Variants in PCED1B observed in about 807,000 individuals in gnomAD.
The protein encoded by PCED1B is PC-esterase domain-containing protein 1B.
For synonymous variants in PCED1B, 251 were observed against 246.1 expected, an observed-to-expected ratio of 1.02 and a Z score of -0.19; for missense variants, 573 against 573.9, an observed-to-expected ratio of 1.00 and a Z score of 0.02.
chr12:47,116,872 A>G (rs1188072569), intron 2 of PCED1B, among the ~76,000 whole-genome samples: 2 of 152,232 alleles, frequency 1.3e-5, no homozygotes, highest in Non-Finnish European at 2.9e-5. Context: ...TATATCAACA[A>G]TTTACTCACT....
At chr12:47,203,221 C>T (rs187281451) in intron 2 of PCED1B, among the ~76,000 whole-genome samples, 13 of 152,202 alleles carry the variant, frequency 8.5e-5, no homozygotes, top group Admixed American at 2.6e-4. Context: ...CCACCTGCCT[C>T]GGCCTCCCAA....
intron 2 of PCED1B, among the ~76,000 whole-genome samples, chr12:47,196,883 T>C (rs1942618469): frequency 6.6e-6 from 1 of 151,402 alleles, no homozygotes; most frequent in South Asian, 2.1e-4. Context: ...GAACATAAAA[T>C]TAACAGAAAA....
chr12:47,093,500 C>A (rs1335525066), intron 1 of PCED1B, among the ~76,000 whole-genome samples: 1 of 151,496 alleles, frequency 6.6e-6, no homozygotes, highest in Non-Finnish European at 1.5e-5. Context: ...AAGTTTGATT[C>A]CTGCTCTCTC....
intron 2 of PCED1B, among the ~76,000 whole-genome samples, chr12:47,119,703 G>T (rs535308508): frequency 6.6e-6 from 1 of 152,196 alleles, no homozygotes; most frequent in East Asian, 1.9e-4. Context: ...ATTAGGCCGG[G>T]CGTGGTGGCT....
chr12:47,137,348 C>T (rs887208332), intron 2 of PCED1B, among the ~76,000 whole-genome samples: 1 of 152,124 alleles, frequency 6.6e-6, no homozygotes, highest in Non-Finnish European at 1.5e-5. Flanking sequence ...GAATCATCAA[C>T]AAATCCAAGG....
At chr12:47,099,485 G>C (rs902055950) in intron 1 of PCED1B, among the ~76,000 whole-genome samples, 2 of 152,176 alleles carry the variant, frequency 1.3e-5, no homozygotes, top group Admixed American at 1.3e-4. Flanking sequence ...CACACTAGCA[G>C]TGACAACATC....
At chr12:47,199,730 G>A (rs1942708907) in intron 2 of PCED1B, among the ~76,000 whole-genome samples, 1 of 152,110 alleles carries the variant, frequency 6.6e-6, no homozygotes, top group Admixed American at 6.6e-5. Flanking sequence ...AACTCAAAGT[G>A]GATCATAGAC....
chr12:47,089,901 G>A (rs767688841), intron 1 of PCED1B, among the ~76,000 whole-genome samples: 27 of 152,032 alleles, frequency 1.8e-4, no homozygotes, highest in Admixed American at 1.6e-3. Flanking sequence ...AACCTCCCGA[G>A]TAGCTGGGAT....
intron 2 of PCED1B, among the ~76,000 whole-genome samples, chr12:47,106,398 C>T (rs955041828): frequency 6.6e-6 from 1 of 151,956 alleles, no homozygotes; most frequent in Admixed American, 6.6e-5. Context: ...TTGAAGACAC[C>T]TTAGCCTAGG....
chr12:47,236,460 T>C lies in PCED1B; in HGVS notation c.*98T>C. On this transcript the variant is annotated 3_prime_UTR_variant, in exon 4 of 4. Transcript: ENST00000546455. The stretch of plus-strand genomic sequence containing the variant: ...CCTGAACAGACTGACCTTGTTAACT[T>C]AAGCCTGGAGTCCATGCCTCGTCTT... The C allele has an allele frequency of 8.1e-7, 1 of 1,241,250 alleles. No homozygotes were observed. The highest frequency in any genetic ancestry group is 1.1e-6 in the Non-Finnish European group (1 of 915,818). The allele number at this position is 1,241,250 out of a possible 1,614,324, so 76.9% of individuals were successfully genotyped here. A position where few individuals can be genotyped will look rare whatever the true frequency, so the allele number is the denominator to read the frequency against.
intron 2 of PCED1B, among the ~76,000 whole-genome samples, chr12:47,120,628 C>G (rs915027947): frequency 5.3e-5 from 8 of 151,990 alleles, no homozygotes; most frequent in Admixed American, 3.9e-4. Context: ...ATGATGAAAT[C>G]CCGTTTCTAC....
chr12:47,098,319 G>T lies in PCED1B; in HGVS notation c.-608-5794G>T, dbSNP rs539714916. ...AGAGCTCCCAACCAGCGAGGGCTGA[G>T]GTTGGTGCCAGTGCAAGCCAAAGTC... On this transcript the variant is annotated intron_variant, in intron 1 of 3. Transcript: ENST00000546455. Among the ~76,000 whole-genome samples the T allele has an allele frequency of 2.3e-4, 35 of 152,292 alleles. No individual in the cohort carries two copies. In the South Asian group the frequency reaches 6.4e-3, roughly 28 times the overall value.
intron 2 of PCED1B, among the ~76,000 whole-genome samples, chr12:47,191,746 G>C (rs1942445294): frequency 6.6e-6 from 1 of 152,088 alleles, no homozygotes; most frequent in Admixed American, 6.5e-5. Flanking sequence ...CAGAATCGCT[G>C]AGGGTGCGGC....
rs868623789 is a variant in PCED1B at position 47,095,624 on chromosome 12, T to C, written c.-608-8489T>C. Among the ~76,000 whole-genome samples the C allele has an allele frequency of 2.0e-5, 3 of 152,216 alleles. No homozygotes were observed. In the East Asian group the frequency reaches 5.8e-4, roughly 29 times the overall value. On this transcript the variant is annotated intron_variant, in intron 1 of 3. Transcript: ENST00000546455. ...TCCTGCTTCAGGAGTAGATACTTTC[T>C]ATTTATCTGGGTTCCAGCTCACTGA...
At chr12:47,183,091 T>G (rs1373373450) in intron 2 of PCED1B, among the ~76,000 whole-genome samples, 1 of 152,184 alleles carries the variant, frequency 6.6e-6, no homozygotes, top group Non-Finnish European at 1.5e-5. Flanking sequence ...ATAAAGAGGA[T>G]TAACATCCTA....
intron 2 of PCED1B, among the ~76,000 whole-genome samples, chr12:47,128,662 G>T (rs74999542): frequency 0.083 from 12,597 of 152,180 alleles, 860 homozygotes; most frequent in African/African-American, 0.19. Context: ...TAAAATAAAA[G>T]AACATGTTTA....
intron 1 of PCED1B, among the ~76,000 whole-genome samples, chr12:47,089,494 G>GTATATATATATATATATATATA (rs1565740171): frequency 2.2e-5 from 1 of 45,988 alleles, no homozygotes; most frequent in Non-Finnish European, 4.0e-5. Context: ...ATATATATAT[G>GTATATATATATATATATATATA]TATATACCAA....
intron 2 of PCED1B, among the ~76,000 whole-genome samples, chr12:47,139,706 G>A (rs1490289150): frequency 6.6e-6 from 1 of 152,078 alleles, no homozygotes; most frequent in Non-Finnish European, 1.5e-5. Flanking sequence ...TGTGGTGTAT[G>A]TGCATATAGT....
chr12:47,141,454 C>A (rs1340037624), intron 2 of PCED1B, among the ~76,000 whole-genome samples: 1 of 152,164 alleles, frequency 6.6e-6, no homozygotes, highest in Non-Finnish European at 1.5e-5. Flanking sequence ...TTTGATCCTG[C>A]CACCAGAGCC....
Sources: allele counts gnomAD v4.1 joint callset (sites outside exome capture counted in the v4.1 genomes callset), GRCh38; gene constraint gnomAD v4.1.1; transcripts MANE v1.5; gene names NCBI Gene and HGNC (gene_info 2026-07-23, HGNC 2026-07-21).